TP63: variants seen among roughly 807,000 people sequenced by gnomAD.
The protein encoded by TP63 is tumor protein p63.
TP63 carries 17 observed loss-of-function variants against 82.8 expected under a neutral mutation model. The observed-to-expected ratio is 0.21, with a 90% CI of 0.14 to 0.31. The LOEUF (loss-of-function observed/expected upper bound fraction) is 0.31. TP63 is among the 10% of genes least tolerant of loss of function. The pLI, the probability that TP63 is intolerant of heterozygous loss-of-function variation, is 1.00. For missense variants in TP63, 648 were observed against 895.3 expected, an observed-to-expected ratio of 0.72 and a Z score of 3.52; for synonymous variants, 330 against 321.7, an observed-to-expected ratio of 1.03 and a Z score of -0.28.
intron 3 of TP63, among the ~76,000 whole-genome samples, chr3:189,757,675 C>T (rs183053307): frequency 3.1e-3 from 469 of 152,224 alleles, no homozygotes; most frequent in Non-Finnish European, 5.4e-3. Context: ...TTTGAAGATA[C>T]ACTAGTGTTA....
At chr3:189,762,630 A>G (rs1425023440) in intron 3 of TP63, among the ~76,000 whole-genome samples, 2 of 152,228 alleles carry the variant, frequency 1.3e-5, no homozygotes, top group Non-Finnish European at 2.9e-5. Context: ...GGTTGGCTAC[A>G]TGTATCTTTA....
chr3:189,722,642 C>T (rs1021000804), intron 1 of TP63, among the ~76,000 whole-genome samples: 10 of 152,152 alleles, frequency 6.6e-5, no homozygotes, highest in East Asian at 5.8e-4. Flanking sequence ...CTACTCCAGG[C>T]GCAGAAAGCT....
At chr3:189,757,482 T>G (rs1722265518) in intron 3 of TP63, among the ~76,000 whole-genome samples, 2 of 152,224 alleles carry the variant, frequency 1.3e-5, no homozygotes, top group African/African-American at 4.8e-5. Context: ...AGATAAGGCA[T>G]GTTAGCATAA....
At chr3:189,682,550 AAAAATATATATAT>A (rs1441393700) in intron 1 of TP63, among the ~76,000 whole-genome samples, 128 of 45,050 alleles carry the variant, frequency 2.8e-3, no homozygotes, top group African/African-American at 0.011. Context: ...AAAAAAAAAA[AAAAATATATATAT>A]ATATATATAT....
At chr3:189,793,881 T>C (rs1025318847) in intron 3 of TP63, among the ~76,000 whole-genome samples, 1 of 152,084 alleles carries the variant, frequency 6.6e-6, no homozygotes, top group African/African-American at 2.4e-5. Flanking sequence ...TTGACTAATA[T>C]AGCATTATTG....
At chr3:189,808,939 A>G (rs1727234829) in intron 4 of TP63, among the ~76,000 whole-genome samples, 1 of 152,214 alleles carries the variant, frequency 6.6e-6, no homozygotes, top group African/African-American at 2.4e-5. Context: ...GATTTTAAAA[A>G]CTGAGTAAAA....
Position 189,789,730 on chromosome 3 carries a change from G to GAGC in TP63, c.325-18542_325-18541insAGC. The GAGC allele has an allele frequency of 1.0e-5, 13 of 1,288,394 alleles. No individual in the cohort carries two copies. The South Asian group carries it at 1.8e-4, about 18-fold the overall frequency. 79.8% of individuals were successfully genotyped at this position (1,288,394 alleles called of 1,614,324 possible). Reference sequence around the variant, plus strand: ...AGTAGATTCATATTGTAAGGGTCTCGGGGTGGGGGGGTTGGCAAAATCCTG... The same window carrying GAGC: ...AGTAGATTCATATTGTAAGGGTCTCGAGCGGGTGGGGGGGTTGGCAAAATCCTG... On this transcript the variant is annotated intron_variant, in intron 3 of 13. Transcript: ENST00000264731.
chr3:189,797,534 C>G (rs550213856), intron 3 of TP63, among the ~76,000 whole-genome samples: 1 of 152,036 alleles, frequency 6.6e-6, no homozygotes, highest in Non-Finnish European at 1.5e-5. Flanking sequence ...GGATTAGTGT[C>G]ACTCTATTGA....
chr3:189,688,490 T>C (rs1255777901), intron 1 of TP63, among the ~76,000 whole-genome samples: 1 of 152,190 alleles, frequency 6.6e-6, no homozygotes, highest in Non-Finnish European at 1.5e-5. Flanking sequence ...ACAATACCTC[T>C]GTGTCCTAGA....
chr3:189,724,991 CCTTA>C (rs1470050386), intron 1 of TP63, among the ~76,000 whole-genome samples: 10 of 152,038 alleles, frequency 6.6e-5, no homozygotes, highest in African/African-American at 2.2e-4. Context: ...TCTTTTTCTC[CCTTA>C]CTTCTCACCA....
chr3:189,803,088 C>T (rs570195663), intron 3 of TP63, among the ~76,000 whole-genome samples: 7 of 152,184 alleles, frequency 4.6e-5, no homozygotes, highest in South Asian at 2.1e-4. Context: ...CACCTGAGGT[C>T]GGGAGTTTGA....
chr3:189,785,295 C>A (rs1724512602), intron 3 of TP63, among the ~76,000 whole-genome samples: 1 of 151,968 alleles, frequency 6.6e-6, no homozygotes, highest in Admixed American at 6.6e-5. Flanking sequence ...AATTCTAGTT[C>A]TTTCTTATAG....
chr3:189,892,361 G>A (rs1721104139), intron 13 of TP63, among the ~76,000 whole-genome samples: 1 of 152,136 alleles, frequency 6.6e-6, no homozygotes, highest in Non-Finnish European at 1.5e-5. Context: ...CAATCTGTGG[G>A]CCACAGCTTT....
At chr3:189,605,193 C>A in the TP63 span, among the ~76,000 whole-genome samples, 3 of 152,194 alleles carry the variant, frequency 2.0e-5, no homozygotes, top group Non-Finnish European at 4.4e-5. Flanking sequence ...GCCTTGTCTA[C>A]TGAAAATATT....
At chr3:189,890,456 G>A (rs1290068842) in intron 12 of TP63, among the ~76,000 whole-genome samples, 1 of 152,004 alleles carries the variant, frequency 6.6e-6, no homozygotes, top group African/African-American at 2.4e-5. Context: ...CAGCAAGAAA[G>A]CTAGGAACCT....
At chr3:189,719,386 A>G (rs1382544335) in intron 1 of TP63, among the ~76,000 whole-genome samples, 2 of 152,086 alleles carry the variant, frequency 1.3e-5, no homozygotes, top group Non-Finnish European at 2.9e-5. Context: ...ATGTGCCCAT[A>G]TTCACTCTTT....
At chr3:189,802,907 T>C (rs1216107934) in intron 3 of TP63, among the ~76,000 whole-genome samples, 1 of 152,244 alleles carries the variant, frequency 6.6e-6, no homozygotes, top group Admixed American at 6.5e-5. Flanking sequence ...CTATCCCATT[T>C]TTTTAATAAC....
chr3:189,625,369 C>T, the TP63 span, among the ~76,000 whole-genome samples: 1 of 151,720 alleles, frequency 6.6e-6, no homozygotes, highest in East Asian at 1.9e-4. Flanking sequence ...GTATTATCTA[C>T]AAACAACTGG....
chr3:189,680,865 G>A (rs568912949), intron 1 of TP63, among the ~76,000 whole-genome samples: 17 of 152,286 alleles, frequency 1.1e-4, no homozygotes, highest in African/African-American at 4.1e-4. Context: ...TAGCTAGCCT[G>A]ATGTTGAGGC....
Sources: allele counts gnomAD v4.1 joint callset (sites outside exome capture counted in the v4.1 genomes callset), GRCh38; gene constraint gnomAD v4.1.1; transcripts MANE v1.5; gene names NCBI Gene and HGNC (gene_info 2026-07-23, HGNC 2026-07-21).